CNTN6: variants seen among roughly 807,000 people sequenced by gnomAD.
The protein encoded by CNTN6 is contactin-6.
CNTN6 carries 137 observed loss-of-function variants against 122.8 expected under a neutral mutation model. The observed-to-expected ratio is 1.12, with a 90% CI of 0.97 to 1.29. The LOEUF (loss-of-function observed/expected upper bound fraction) is 1.29, where lower values mean the gene tolerates loss of function less well. Ranked by LOEUF, CNTN6 falls within the 50% of genes most tolerant of loss-of-function variation. CNTN6 has a pLI of 0.00. For missense variants in CNTN6, 1,634 were observed against 1,223.4 expected (o/e 1.34, Z -5.01); for synonymous variants, 570 against 426.0 (o/e 1.34, Z -4.16).
intron 1 of CNTN6, among the ~76,000 whole-genome samples, chr3:1,112,931 G>C (rs552242469): frequency 1.4e-4 from 21 of 152,242 alleles, no homozygotes; most frequent in African/African-American, 5.1e-4. Context: ...ATGAATGAAA[G>C]AGGTCCAAAT....
intron 2 of CNTN6, among the ~76,000 whole-genome samples, chr3:1,157,192 TTTTATTTA>T (rs1404306861): frequency 6.8e-6 from 1 of 146,972 alleles, no homozygotes; most frequent in Non-Finnish European, 1.5e-5. Context: ...AATTATACTC[TTTTATTTA>T]TTTATTTATT....
chr3:1,300,934 T>C (rs1697274256), intron 7 of CNTN6, among the ~76,000 whole-genome samples: 1 of 151,944 alleles, frequency 6.6e-6, no homozygotes. Context: ...TAAAGCAGTG[T>C]CTTATTTTCT....
chr3:1,373,595 T>G lies in CNTN6; in HGVS notation c.1787-9T>G, dbSNP rs1205943740. 6.2e-7 allele frequency: 1 copy of G among 1,609,080 alleles called. No individual in the cohort carries two copies. The highest frequency in any genetic ancestry group is 8.5e-7 in the Non-Finnish European group (1 of 1,177,898). On this transcript the variant is annotated splice_polypyrimidine_tract_variant and intron_variant, in intron 14 of 22. Coordinates refer to ENST00000446702, the MANE Select transcript of CNTN6 (RefSeq NM_001289080.2). ...TCCAATGGAGTCATGATAAAACATT[T>G]TTTTCAAGGTCCACCAGGTCCTCCT...
intron 5 of CNTN6, among the ~76,000 whole-genome samples, chr3:1,287,217 C>T (rs141377529): frequency 6.6e-6 from 1 of 152,142 alleles, no homozygotes; most frequent in Admixed American, 6.5e-5. Flanking sequence ...CCAAGCAGAT[C>T]TAATAGACAT....
intron 2 of CNTN6, among the ~76,000 whole-genome samples, chr3:1,171,727 C>T (rs1309477439): frequency 2.0e-5 from 3 of 152,142 alleles, no homozygotes; most frequent in Non-Finnish European, 4.4e-5. Flanking sequence ...CCACCTCAGC[C>T]TCCCAAGTCC....
chr3:1,268,150 A>C (rs141066015), intron 4 of CNTN6, among the ~76,000 whole-genome samples: 24 of 152,380 alleles, frequency 1.6e-4, no homozygotes, highest in African/African-American at 5.3e-4. Context: ...GGCAAAGCCC[A>C]AGACTATGAG....
At chr3:1,242,723 A>G (rs1465222033) in intron 4 of CNTN6, among the ~76,000 whole-genome samples, 11 of 149,752 alleles carry the variant, frequency 7.3e-5, no homozygotes, top group South Asian at 2.1e-4. Flanking sequence ...AATGAGACAC[A>G]GCTGTAATCC....
chr3:1,303,742 C>T (rs1315675987), intron 7 of CNTN6, among the ~76,000 whole-genome samples: 20 of 152,182 alleles, frequency 1.3e-4, no homozygotes, highest in African/African-American at 4.8e-4. Context: ...TAGTAGACAC[C>T]ATAAATGTCT....
chr3:1,268,578 G>C (rs1276306782), intron 4 of CNTN6, among the ~76,000 whole-genome samples: 2 of 128,544 alleles, frequency 1.6e-5, no homozygotes, highest in African/African-American at 6.5e-5. Context: ...CTGCACTCCA[G>C]CCTGGGCGAC....
intron 20 of CNTN6, among the ~76,000 whole-genome samples, chr3:1,389,109 T>C (rs1693677832): frequency 6.9e-6 from 1 of 144,488 alleles, no homozygotes; most frequent in African/African-American, 2.5e-5. Flanking sequence ...GACACATAAT[T>C]GTCAGATTCA....
chr3:1,205,956 A>G (rs2093952006), intron 2 of CNTN6, among the ~76,000 whole-genome samples: 2 of 152,196 alleles, frequency 1.3e-5, no homozygotes, highest in Non-Finnish European at 2.9e-5. Flanking sequence ...TTCATTGGAC[A>G]CAGTTTATTT....
intron 11 of CNTN6, among the ~76,000 whole-genome samples, chr3:1,336,304 A>AT (rs11417291): frequency 0.43 from 65,527 of 151,072 alleles, 15,818 homozygotes; most frequent in Non-Finnish European, 0.56. Flanking sequence ...ATTAAAGCAC[A>AT]TTTTTTTTTC....
In CNTN6 at chr3:1,321,963, G is replaced by A. The variant is rs1028997196; in HGVS notation, c.946+129G>A. ...TAAGGAAGGCATATTTCCGGGTTTA[G>A]ATGCTTAACACAATGATTAGCAGAT... On this transcript the variant is annotated intron_variant, in intron 8 of 22. Transcript: ENST00000446702. 7.7e-5 allele frequency: 56 copies of A among 727,390 alleles called. No homozygotes were observed. The African/African-American group carries it at 9.7e-4, about 13-fold the overall frequency. The allele number at this position is 727,390 out of a possible 1,614,324, so 45.1% of individuals were successfully genotyped here.
At chr3:1,363,875 C>T (rs1195413875) in intron 12 of CNTN6, among the ~76,000 whole-genome samples, 1 of 151,844 alleles carries the variant, frequency 6.6e-6, no homozygotes, top group Non-Finnish European at 1.5e-5. Flanking sequence ...ATATTCCCAC[C>T]AACAGTATGT....
intron 4 of CNTN6, among the ~76,000 whole-genome samples, chr3:1,265,267 C>T (rs80233293): frequency 0.023 from 3,538 of 152,166 alleles, 115 homozygotes; most frequent in African/African-American, 0.077. Flanking sequence ...TTAGTTGTCT[C>T]AGCTAGCACT....
intron 2 of CNTN6, among the ~76,000 whole-genome samples, chr3:1,218,331 G>A (rs895432336): frequency 2.6e-5 from 4 of 152,230 alleles, no homozygotes; most frequent in South Asian, 2.1e-4. Context: ...GAGAGCTCCC[G>A]TGTGATCTGA....
At chr3:1,202,345 C>G (rs1169746029) in intron 2 of CNTN6, among the ~76,000 whole-genome samples, 1 of 151,956 alleles carries the variant, frequency 6.6e-6, no homozygotes, top group African/African-American at 2.4e-5. Context: ...TCAAGACCAT[C>G]CTGGCTAACA....
At chr3:1,247,763 G>A (rs866309598) in intron 4 of CNTN6, among the ~76,000 whole-genome samples, 8 of 152,092 alleles carry the variant, frequency 5.3e-5, no homozygotes, top group Admixed American at 2.6e-4. Flanking sequence ...TGCAATGCTG[G>A]CTTTTTTATG....
intron 1 of CNTN6, among the ~76,000 whole-genome samples, chr3:1,135,037 A>G (rs1559375572): frequency 6.6e-6 from 1 of 152,122 alleles, no homozygotes; most frequent in Non-Finnish European, 1.5e-5. Context: ...CCATAGCACA[A>G]AGTATTTCTG....
Sources: gnomAD v4.1 joint callset for allele counts (sites outside exome capture counted in the v4.1 genomes callset) on GRCh38, gnomAD v4.1.1 for gene constraint, MANE v1.5 for transcripts, NCBI Gene and HGNC (gene_info 2026-07-23, HGNC 2026-07-21) for gene names.